FMN1: variants seen among roughly 807,000 people sequenced by gnomAD.
The protein encoded by FMN1 is formin 1, also known as formin-1.
FMN1 carries 110 observed loss-of-function variants against 132.4 expected under a neutral mutation model. That is an observed-to-expected ratio of 0.83 (90% CI 0.71 to 0.97). The LOEUF (loss-of-function observed/expected upper bound fraction) is 0.97. Among genes scored for constraint, FMN1 ranks in the 50% least tolerant of loss-of-function variants. The pLI is 0.00. For synonymous variants in FMN1, 722 were observed against 651.7 expected, an observed-to-expected ratio of 1.11 and a Z score of -1.64; for missense variants, 1,792 against 1,705.3, an observed-to-expected ratio of 1.05 and a Z score of -0.90.
intron 7 of FMN1, among the ~76,000 whole-genome samples, chr15:32,973,261 G>A (rs145703281): frequency 5.2e-4 from 79 of 152,122 alleles, no homozygotes; most frequent in South Asian, 1.7e-3. Context: ...CTCCACTATT[G>A]GCTTTTGTCC....
chr15:33,103,551 A>G (rs1158320574), intron 4 of FMN1, among the ~76,000 whole-genome samples: 1 of 152,116 alleles, frequency 6.6e-6, no homozygotes, highest in Non-Finnish European at 1.5e-5. Context: ...TTCACTTTCG[A>G]GTTCCAATGA....
intron 4 of FMN1, among the ~76,000 whole-genome samples, chr15:33,098,329 A>G (rs1421122862): frequency 1.3e-5 from 2 of 152,182 alleles, no homozygotes; most frequent in African/African-American, 2.4e-5. Context: ...TGCATGATTA[A>G]CTCATAGCAA....
At chr15:32,866,412 T>G (rs990194794) in intron 16 of FMN1, among the ~76,000 whole-genome samples, 1 of 152,192 alleles carries the variant, frequency 6.6e-6, no homozygotes, top group African/African-American at 2.4e-5. Context: ...GCATTTTGTA[T>G]GCTGAATAGT....
intron 19 of FMN1, among the ~76,000 whole-genome samples, chr15:32,791,878 G>C (rs1475619861): frequency 6.6e-6 from 1 of 152,164 alleles, no homozygotes; most frequent in Non-Finnish European, 1.5e-5. Flanking sequence ...AATTGCAGAT[G>C]AAGGCTGGGT....
At chr15:32,827,172 T>C (rs1028150329) in intron 17 of FMN1, among the ~76,000 whole-genome samples, 1 of 152,120 alleles carries the variant, frequency 6.6e-6, no homozygotes, top group African/African-American at 2.4e-5. Context: ...AGATGGAAAA[T>C]TATGGTCCAA....
At chr15:33,118,671 C>T (rs1962263789) in intron 4 of FMN1, among the ~76,000 whole-genome samples, 3 of 151,964 alleles carry the variant, frequency 2.0e-5, no homozygotes, top group Non-Finnish European at 2.9e-5. Flanking sequence ...ATATTAAATA[C>T]AAAAAGCATG....
chr15:33,000,579 G>A (rs545445129), intron 7 of FMN1, among the ~76,000 whole-genome samples: 61 of 151,998 alleles, frequency 4.0e-4, no homozygotes, highest in African/African-American at 1.4e-3. Context: ...CCAAGAGTTC[G>A]AGACCAGCCT....
chr15:33,041,470 A>T (rs1488912735), intron 6 of FMN1, among the ~76,000 whole-genome samples: 1 of 15,688 alleles, frequency 6.4e-5, no homozygotes, highest in Non-Finnish European at 2.3e-4. Context: ...CCTCACCAGT[A>T]AACAAAAAAA....
chr15:33,096,821 C>T (rs1423251296), intron 4 of FMN1, among the ~76,000 whole-genome samples: 1 of 152,108 alleles, frequency 6.6e-6, no homozygotes, highest in Non-Finnish European at 1.5e-5. Flanking sequence ...AGGCTAGTAT[C>T]GAACCCCTAG....
chr15:32,965,985 A>AG (rs1359776213), intron 8 of FMN1, among the ~76,000 whole-genome samples: 2 of 151,944 alleles, frequency 1.3e-5, no homozygotes, highest in African/African-American at 2.4e-5. Flanking sequence ...GCTGGGGGAG[A>AG]CGGGGGAGAA....
Position 33,153,794 on chromosome 15 carries a change from G to T in FMN1, c.1121C>A (p.Pro374Gln), listed in dbSNP as rs933022929. Residue 374 changes from proline to glutamine, a missense_variant, in exon 4 of 21, where the codon CCG (proline) becomes CAG (glutamine). By Grantham distance (76) the Pro-to-Gln change is moderately conservative. Transcript: ENST00000616417. ...FVPKADLLTL[P>Q]GAEAGAHGSR... ...GCCATGAGCCCCAGCCTCAGCTCCC[G>T]GGAGGGTGAGCAAGTCGGCTTTGGG... The T allele has an allele frequency of 6.5e-6, 10 of 1,536,338 alleles. No individual in the cohort carries two copies. Among genetic ancestry groups the T allele is most frequent in the Non-Finnish European group, 8.7e-6 (10 of 1,146,970 alleles).
intron 4 of FMN1, among the ~76,000 whole-genome samples, chr15:33,093,241 C>A (rs1476517683): frequency 6.6e-6 from 1 of 151,306 alleles, no homozygotes; most frequent in African/African-American, 2.4e-5. Flanking sequence ...TCAGTTTTAG[C>A]TCCTGTGTTG....
Position 32,787,438 on chromosome 15 carries a change from C to T in FMN1, c.4131-10519G>A, listed in dbSNP as rs1341032129. 9.8e-5 allele frequency among the ~76,000 whole-genome samples: 15 copies of T among 152,350 alleles called. No homozygotes were observed. In the East Asian group the frequency reaches 2.3e-3, roughly 24 times the overall value. On this transcript the variant is annotated intron_variant, in intron 19 of 20. Transcript: ENST00000616417. The stretch of plus-strand genomic sequence containing the variant: ...CTGACCGCTCTGGCACCGACCACCT[C>T]CTGTGCCTCCCAGGTCAGTTTCACT...
intron 12 of FMN1, among the ~76,000 whole-genome samples, chr15:32,907,990 A>G (rs916857288): frequency 1.4e-4 from 22 of 152,160 alleles, no homozygotes; most frequent in African/African-American, 5.1e-4. Context: ...GGAGAGAAAA[A>G]CAAGCATGTA....
intron 2 of FMN1, among the ~76,000 whole-genome samples, chr15:33,180,930 T>C (rs774142246): frequency 1.3e-5 from 2 of 152,140 alleles, no homozygotes; most frequent in Middle Eastern, 3.4e-3. Flanking sequence ...TTGGTACTTT[T>C]AGTAAAGAGG....
Position 33,065,030 on chromosome 15 carries a change from T to C in FMN1, c.2088A>G (p.Arg696=). The C allele has an allele frequency of 6.2e-7, 1 of 1,611,960 alleles. No individual in the cohort carries two copies. Among genetic ancestry groups the C allele is most frequent in the African/African-American group, 1.3e-5 (1 of 74,986 alleles). ...LTEQDDRTPG[R]LQAVWPPPKT... Reference sequence around the variant, plus strand: ...TTGGGGGTGGCCAGACAGCTTGAAGTCTGCCAGGAGTCCTGTCATCCTGCT... The same window carrying C: ...TTGGGGGTGGCCAGACAGCTTGAAGCCTGCCAGGAGTCCTGTCATCCTGCT... Residue 696 remains arginine (R), a synonymous_variant, in exon 6 of 21, where the codon AGA becomes AGG. Transcript: ENST00000616417.
intron 9 of FMN1, among the ~76,000 whole-genome samples, chr15:32,956,498 G>A (rs2061772049): frequency 2.0e-5 from 3 of 152,122 alleles, no homozygotes; most frequent in Middle Eastern, 6.8e-3. Flanking sequence ...TTCAGTAAAT[G>A]CGGCCAGTCA....
At position 32,966,343 on chromosome 15, in the gene FMN1, T is replaced by C. The variant is rs1209859036; in HGVS notation, c.2988-2086A>G. Among the ~76,000 whole-genome samples, 3 of 152,096 alleles carry C rather than the reference T, an allele frequency of 2.0e-5. No individual in the cohort carries two copies. In the East Asian group the frequency reaches 5.8e-4, roughly 29 times the overall value. On this transcript the variant is annotated intron_variant, in intron 8 of 20. Coordinates refer to ENST00000616417, the MANE Select transcript of FMN1 (RefSeq NM_001277313.2). ...GTATTTCCAATACTGAATGAAAGAA[T>C]TTTGGAACACTGCCTCTCAGTGATT...
chr15:32,838,924 A>G (rs2141201878), intron 17 of FMN1, among the ~76,000 whole-genome samples: 1 of 152,288 alleles, frequency 6.6e-6, no homozygotes, highest in East Asian at 1.9e-4. Context: ...AGTCCAAAAG[A>G]TGAGTGATGA....
Sources: gnomAD v4.1 joint callset for allele counts (sites outside exome capture counted in the v4.1 genomes callset) on GRCh38, gnomAD v4.1.1 for gene constraint, MANE v1.5 for transcripts, NCBI Gene and HGNC (gene_info 2026-07-23, HGNC 2026-07-21) for gene names.